The following XYLT1 variants were observed in gnomAD, a reference collection of about 807,000 sequenced individuals.
XYLT1 encodes xylosyltransferase 1.
In XYLT1, 36 loss-of-function variants were observed where a neutral mutation model predicts 91.3. The ratio of observed to expected loss-of-function variants is 0.39; its 90% CI spans 0.30 to 0.52. The LOEUF is 0.52. XYLT1 is among the 20% of genes least tolerant of loss of function. The probability of loss-of-function intolerance (pLI) is 0.68; values close to 1 mark genes in which losing one functional copy is unlikely to be tolerated. For synonymous variants in XYLT1, 588 were observed against 532.0 expected, an observed-to-expected ratio of 1.11 and a Z score of -1.45; for missense variants, 1,242 against 1,284.5, an observed-to-expected ratio of 0.97 and a Z score of 0.51.
chr16:17,250,029 AAC>A (rs2033511856), intron 3 of XYLT1: 1 of 152,312 alleles, frequency 6.6e-6, no homozygotes, highest in Non-Finnish European at 1.5e-5. Context: ...CATCCTGCTC[AAC>A]GTCTTCAAAT....
chr16:17,388,796 G>A (rs747922940), intron 1 of XYLT1, among the ~76,000 whole-genome samples: 2 of 152,196 alleles, frequency 1.3e-5, no homozygotes, highest in Non-Finnish European at 2.9e-5. Context: ...GTAGATCAGA[G>A]AATGTTTTAC....
At chr16:17,314,627 G>A (rs990510580) in intron 2 of XYLT1, among the ~76,000 whole-genome samples, 2 of 152,090 alleles carry the variant, frequency 1.3e-5, no homozygotes, top group Admixed American at 6.5e-5. Context: ...TCCCATTCCA[G>A]GAAAGAAAGG....
At chr16:17,282,355 A>C (rs1464102972) in intron 2 of XYLT1, among the ~76,000 whole-genome samples, 1 of 152,108 alleles carries the variant, frequency 6.6e-6, no homozygotes, top group Non-Finnish European at 1.5e-5. Flanking sequence ...ACAGCTGTCT[A>C]TTTGCTCTAA....
intron 2 of XYLT1, among the ~76,000 whole-genome samples, chr16:17,314,412 C>G (rs981295071): frequency 1.3e-5 from 2 of 152,104 alleles, no homozygotes; most frequent in African/African-American, 4.8e-5. Context: ...TTAGAGCCCT[C>G]TAGAAACCAC....
chr16:17,131,705 A>C (rs2030485217), intron 9 of XYLT1, among the ~76,000 whole-genome samples: 1 of 152,238 alleles, frequency 6.6e-6, no homozygotes, highest in African/African-American at 2.4e-5. Context: ...TGAGAAAAAA[A>C]AATCAATAAA....
At chr16:17,119,719 A>G (rs2029980083) in intron 10 of XYLT1, among the ~76,000 whole-genome samples, 1 of 152,212 alleles carries the variant, frequency 6.6e-6, no homozygotes, top group Admixed American at 6.5e-5. Flanking sequence ...CAGATGTGGA[A>G]ACTGAGTCTC....
intron 5 of XYLT1, among the ~76,000 whole-genome samples, chr16:17,162,409 C>CAA (rs5815946): frequency 0.71 from 98,246 of 138,876 alleles, 35,374 homozygotes; most frequent in East Asian, 0.9. Context: ...GACTCTGTCT[C>CAA]AAAAAAAAAA....
At chr16:17,315,992 T>G (rs973595875) in intron 2 of XYLT1, among the ~76,000 whole-genome samples, 1 of 152,044 alleles carries the variant, frequency 6.6e-6, no homozygotes, top group African/African-American at 2.4e-5. Context: ...CTTAGGAAAT[T>G]GCAGCCGCAC....
intron 1 of XYLT1, among the ~76,000 whole-genome samples, chr16:17,397,875 T>G (rs1456772565): frequency 1.4e-5 from 2 of 141,966 alleles, no homozygotes; most frequent in African/African-American, 5.4e-5. Context: ...CAGGCTGGAG[T>G]GCAGTGGTGC....
chr16:17,182,157 G>A (rs2032084749), intron 5 of XYLT1, among the ~76,000 whole-genome samples: 1 of 152,206 alleles, frequency 6.6e-6, no homozygotes, highest in African/African-American at 2.4e-5. Flanking sequence ...TGTTGCTTGA[G>A]AGCATATAGC....
At chr16:17,344,547 AG>A (rs2035117377) in intron 2 of XYLT1, among the ~76,000 whole-genome samples, 1 of 151,920 alleles carries the variant, frequency 6.6e-6, no homozygotes, top group Non-Finnish European at 1.5e-5. Flanking sequence ...GCCCAGATCA[AG>A]TGACCCCAGG....
intron 2 of XYLT1, among the ~76,000 whole-genome samples, chr16:17,281,641 T>C (rs2034060654): frequency 6.6e-6 from 1 of 152,126 alleles, no homozygotes; most frequent in Non-Finnish European, 1.5e-5. Context: ...CACAGGGAAA[T>C]GTGTAAGTGT....
At chr16:17,417,759 A>G (rs749475078) in intron 1 of XYLT1, among the ~76,000 whole-genome samples, 32 of 152,202 alleles carry the variant, frequency 2.1e-4, no homozygotes, top group Non-Finnish European at 4.0e-4. Context: ...CAGCTGACCA[A>G]TTGAATGCAG....
chr16:17,156,276 T>C (rs1224834955), intron 6 of XYLT1, among the ~76,000 whole-genome samples: 5 of 152,174 alleles, frequency 3.3e-5, no homozygotes, highest in African/African-American at 9.7e-5. Context: ...AGAGAATAAA[T>C]CCTGACTAGG....
chr16:17,359,508 A>G (rs969865709), intron 1 of XYLT1, among the ~76,000 whole-genome samples: 1 of 152,160 alleles, frequency 6.6e-6, no homozygotes, highest in Non-Finnish European at 1.5e-5. Context: ...TCTGTCCTTT[A>G]GGAAGAGGAA....
At chr16:17,310,566 G>A (rs781274940) in intron 2 of XYLT1, among the ~76,000 whole-genome samples, 5 of 152,142 alleles carry the variant, frequency 3.3e-5, no homozygotes, top group Non-Finnish European at 7.3e-5. Context: ...TGGGGAAAAG[G>A]CAGGCCCGGC....
intron 5 of XYLT1, among the ~76,000 whole-genome samples, chr16:17,170,997 G>C (rs549803472): frequency 6.6e-6 from 1 of 152,198 alleles, no homozygotes; most frequent in Admixed American, 6.5e-5. Context: ...TTATAGAGTT[G>C]AAGATGTAAT....
At chr16:17,422,677 T>C (rs1437545452) in intron 1 of XYLT1, among the ~76,000 whole-genome samples, 1 of 152,034 alleles carries the variant, frequency 6.6e-6, no homozygotes, top group Non-Finnish European at 1.5e-5. Flanking sequence ...CTAACTAATT[T>C]TTGTATTTTT....
chr16:17,266,467 T>C (rs149694172), intron 2 of XYLT1, among the ~76,000 whole-genome samples: 4 of 152,316 alleles, frequency 2.6e-5, no homozygotes, highest in East Asian at 1.9e-4. Flanking sequence ...ATTTTTCAGA[T>C]TGGAACATTA....
Sources: gnomAD v4.1 joint callset for allele counts (sites outside exome capture counted in the v4.1 genomes callset) on GRCh38, gnomAD v4.1.1 for gene constraint, MANE v1.5 for transcripts, NCBI Gene and HGNC (gene_info 2026-07-23, HGNC 2026-07-21) for gene names.